Variants in SINHCAF observed in about 807,000 individuals in gnomAD.
SINHCAF encodes SIN3-HDAC complex associated factor.
SINHCAF carries 3 observed loss-of-function variants against 25.8 expected under a neutral mutation model. That is an observed-to-expected ratio of 0.12 (90% CI 0.05 to 0.30). The LOEUF (loss-of-function observed/expected upper bound fraction) is 0.30. Among genes scored for constraint, SINHCAF ranks in the 10% least tolerant of loss-of-function variants. SINHCAF has a pLI of 1.00. For synonymous variants in SINHCAF, 70 were observed against 85.5 expected, an observed-to-expected ratio of 0.82 and a Z score of 1.00; for missense variants, 121 against 262.3, an observed-to-expected ratio of 0.46 and a Z score of 3.72.
rs1416010927 is a variant in SINHCAF at position 31,298,121 on chromosome 12, G to A, written c.84C>T (p.Phe28=). The change falls in exon 2 of 6, where the codon TTC becomes TTT. Residue 28 remains phenylalanine (F), a synonymous_variant. Transcript: ENST00000337682. ...CCTTTTCATAGCGTTTACTGTCAGTGAATCGAGAACTGGAGGACTTAGCTC... is the reference window on the plus strand; with the variant it reads ...CCTTTTCATAGCGTTTACTGTCAGTAAATCGAGAACTGGAGGACTTAGCTC... ...ICRAKSSSSR[F]TDSKRYEKDF... 6.2e-7 allele frequency: 1 copy of A among 1,614,122 alleles called. No individual in the cohort carries two copies. Among genetic ancestry groups the A allele is most frequent in the Admixed American group, 1.7e-5 (1 of 60,022 alleles).
intron 1 of SINHCAF, among the ~76,000 whole-genome samples, chr12:31,321,833 C>T (rs1023278947): frequency 1.3e-5 from 2 of 152,006 alleles, no homozygotes; most frequent in African/African-American, 4.8e-5. Flanking sequence ...TCATAAGAGC[C>T]CTGTATAGTT....
chr12:31,314,788 A>C (rs1201338456), intron 1 of SINHCAF, among the ~76,000 whole-genome samples: 1 of 152,198 alleles, frequency 6.6e-6, no homozygotes, highest in East Asian at 1.9e-4. Flanking sequence ...TGGTCTGCAT[A>C]TATCAAAGGA....
chr12:31,306,536 G>A (rs1347481323), intron 1 of SINHCAF, among the ~76,000 whole-genome samples: 1 of 152,056 alleles, frequency 6.6e-6, no homozygotes, highest in Admixed American at 6.6e-5. Context: ...ATCTTTCTTC[G>A]ATGAAAGCTA....
At chr12:31,300,576 T>A (rs1013513880) in intron 1 of SINHCAF, among the ~76,000 whole-genome samples, 1 of 152,138 alleles carries the variant, frequency 6.6e-6, no homozygotes, top group African/African-American at 2.4e-5. Flanking sequence ...TGAGGCAGAT[T>A]TTTTTTTCTC....
intron 1 of SINHCAF, among the ~76,000 whole-genome samples, chr12:31,323,401 A>T (rs1290851712): frequency 6.6e-6 from 1 of 152,164 alleles, no homozygotes; most frequent in Non-Finnish European, 1.5e-5. Flanking sequence ...AACAAGGTCA[A>T]ATTCATTTTT....
intron 5 of SINHCAF, among the ~76,000 whole-genome samples, chr12:31,285,064 A>G (rs1213573512): frequency 6.6e-6 from 1 of 152,162 alleles, no homozygotes; most frequent in African/African-American, 2.4e-5. Flanking sequence ...TGAATGTGCT[A>G]TACCTCTCAA....
intron 4 of SINHCAF, among the ~76,000 whole-genome samples, chr12:31,292,041 A>G (rs982408095): frequency 6.6e-6 from 1 of 152,256 alleles, no homozygotes; most frequent in African/African-American, 2.4e-5. Context: ...GCACAGTTTC[A>G]TAATAAAAAT....
intron 2 of SINHCAF, among the ~76,000 whole-genome samples, chr12:31,297,630 G>A (rs972605721): frequency 8.6e-5 from 13 of 151,506 alleles, no homozygotes; most frequent in Non-Finnish European, 8.8e-5. Context: ...GCACCACCAC[G>A]CCCAGCTTAT....
In SINHCAF at chr12:31,293,881, C is replaced by T; in HGVS notation, c.279G>A (p.Lys93=). 2 of 1,613,400 alleles carry T rather than the reference C, an allele frequency of 1.2e-6. No homozygotes were observed. The highest frequency in any genetic ancestry group is 1.7e-6 in the Non-Finnish European group (2 of 1,179,614). ...TGTTCCCAGATAGAGTTTTCACTTT[C>T]TTTGGTTTCAATGTAGTCTTTAGAC... ...GPSLKTTLKP[K]KVKTLSGNRI... The change falls in exon 4 of 6, where the codon AAG becomes AAA. Residue 93 remains lysine (K), a synonymous_variant. Coordinates refer to ENST00000337682, the MANE Select transcript of SINHCAF (RefSeq NM_001135812.2).
intron 1 of SINHCAF, among the ~76,000 whole-genome samples, chr12:31,299,319 A>AATT (rs202016225): frequency 0.034 from 5,126 of 151,220 alleles, 265 homozygotes; most frequent in East Asian, 0.22. Flanking sequence ...AAAAGAAAAA[A>AATT]ATTTTTTTTT....
chr12:31,324,918 A>G lies in SINHCAF; in HGVS notation c.-21+1106T>C, dbSNP rs1249324273. On this transcript the variant is annotated intron_variant, in intron 1 of 5. Transcript: ENST00000337682. The surrounding 1 kb of genome is among the most constrained non-coding windows in gnomAD (Gnocchi z 5.5). ...TTTCACTCTGCTTTTTAAACTGGCA[A>G]GACGCCATCATCAGCAAACCACATT... 1 of 454,654 alleles carries G rather than the reference A, an allele frequency of 2.2e-6. No individual in the cohort carries two copies. Among genetic ancestry groups the G allele is most frequent in the Non-Finnish European group, 4.4e-6 (1 of 225,616 alleles). The allele number at this position is 454,654 out of a possible 1,614,324, so 28.2% of individuals were successfully genotyped here.
At chr12:31,301,367 G>A (rs887318078) in intron 1 of SINHCAF, among the ~76,000 whole-genome samples, 3 of 152,076 alleles carry the variant, frequency 2.0e-5, no homozygotes, top group African/African-American at 7.2e-5. Context: ...ATATAGTTCC[G>A]TGACCTTACT....
At chr12:31,292,994 C>T (rs565716900) in intron 4 of SINHCAF, among the ~76,000 whole-genome samples, 1 of 152,270 alleles carries the variant, frequency 6.6e-6, no homozygotes, top group African/African-American at 2.4e-5. Context: ...TATTCCTAAC[C>T]TATTTGGCCA....
chr12:31,297,531 G>A (rs1174825100), intron 2 of SINHCAF, among the ~76,000 whole-genome samples: 2 of 141,438 alleles, frequency 1.4e-5, no homozygotes, highest in African/African-American at 5.3e-5. Flanking sequence ...GGAGTGCAGT[G>A]GCGTGATCTC....
chr12:31,293,610 CT>C (rs1592962826), intron 4 of SINHCAF, among the ~76,000 whole-genome samples, 194 bp downstream of exon 4: 1 of 152,154 alleles, frequency 6.6e-6, no homozygotes. Context: ...GAAATACTCT[CT>C]TGAGACATCA....
intron 1 of SINHCAF, among the ~76,000 whole-genome samples, chr12:31,312,700 T>G (rs1939320493): frequency 6.6e-6 from 1 of 152,200 alleles, no homozygotes; most frequent in South Asian, 2.1e-4. Context: ...TTCATAGATG[T>G]CTTTACTCTG....
intron 1 of SINHCAF, among the ~76,000 whole-genome samples, chr12:31,307,765 T>A (rs961601522): frequency 1.3e-5 from 2 of 152,258 alleles, no homozygotes; most frequent in East Asian, 3.9e-4. Flanking sequence ...CAGTTTTATA[T>A]AGAAGGGCTA....
In SINHCAF at chr12:31,298,238, G is replaced by A. The variant is rs1938626621; in HGVS notation, c.-20-14C>T. On this transcript the variant is annotated splice_polypyrimidine_tract_variant and intron_variant, in intron 1 of 5. Coordinates refer to ENST00000337682, the MANE Select transcript of SINHCAF (RefSeq NM_001135812.2). Reference sequence around the variant, plus strand: ...CTGGGCAATAGTCTGTAAAGCCAAGGGAATTGACATATCTTTGTTGAGGGC... The same window carrying A: ...CTGGGCAATAGTCTGTAAAGCCAAGAGAATTGACATATCTTTGTTGAGGGC... 1.9e-6 allele frequency: 3 copies of A among 1,612,806 alleles called. No individual in the cohort carries two copies. Among genetic ancestry groups the A allele is most frequent in the Admixed American group, 1.7e-5 (1 of 59,994 alleles).
Position 31,293,874 on chromosome 12 carries a change from T to C in SINHCAF, c.286A>G (p.Lys96Glu). The change falls in exon 4 of 6, where the codon AAA becomes GAA. Residue 96 changes from lysine to glutamate, a missense_variant. Coordinates refer to ENST00000337682, the MANE Select transcript of SINHCAF (RefSeq NM_001135812.2). Reference protein sequence around the residue: ...LKTTLKPKKVKTLSGNRIKSN... With the variant: ...LKTTLKPKKVETLSGNRIKSN... ...TTTATCCTGTTCCCAGATAGAGTTT[T>C]CACTTTCTTTGGTTTCAATGTAGTC... is the stretch of plus-strand genomic sequence containing the variant. 1 of 1,613,580 alleles carries C rather than the reference T, an allele frequency of 6.2e-7. No homozygotes were observed. Among genetic ancestry groups the C allele is most frequent in the Non-Finnish European group, 8.5e-7 (1 of 1,179,678 alleles).
Sources: allele counts gnomAD v4.1 joint callset (sites outside exome capture counted in the v4.1 genomes callset), GRCh38; gene constraint gnomAD v4.1.1; non-coding constraint Gnocchi (gnomAD v3.1); transcripts MANE v1.5; gene names NCBI Gene and HGNC (gene_info 2026-07-23, HGNC 2026-07-21).